The following ZNF487 variants were observed in gnomAD, a reference collection of about 807,000 sequenced individuals.
ZNF487 encodes the protein KRAB domain only 1.
In ZNF487, 4 loss-of-function variants were observed where a neutral mutation model predicts 3.0. That is an observed-to-expected ratio of 1.35 (90% CI 0.66 to 3.08). ZNF487 has a LOEUF of 3.08. Among genes scored for constraint, ZNF487 ranks in the 30% most tolerant of loss-of-function variants. The pLI, the probability that ZNF487 is intolerant of heterozygous loss-of-function variation, is 0.01. For synonymous variants in ZNF487, 55 were observed against 34.6 expected (o/e 1.59, Z -2.06); for missense variants, 146 against 98.7 (o/e 1.48, Z -2.03).
At chr10:43,488,294 G>C in the ZNF487 span, among the ~76,000 whole-genome samples, 4 of 151,994 alleles carry the variant, frequency 2.6e-5, no homozygotes, top group Non-Finnish European at 4.4e-5. Context: ...CAACTTTAGG[G>C]CAACAAGTAA....
chr10:43,495,203 CT>C, the ZNF487 span, among the ~76,000 whole-genome samples: 26,621 of 121,278 alleles, frequency 0.22, 2,560 homozygotes, highest in African/African-American at 0.4. Flanking sequence ...TGTCCCCAGG[CT>C]TTTTTTTTTT....
chr10:43,469,763 A>G (rs992773856), intron 1 of ZNF487, among the ~76,000 whole-genome samples: 2 of 152,064 alleles, frequency 1.3e-5, no homozygotes, highest in African/African-American at 2.4e-5. Flanking sequence ...AGCCCGGCCA[A>G]CATGGTGAAA....
At chr10:43,462,735 T>C (rs895859582) in intron 1 of ZNF487, among the ~76,000 whole-genome samples, 1 of 151,262 alleles carries the variant, frequency 6.6e-6, no homozygotes, top group African/African-American at 2.4e-5. Flanking sequence ...ATTACAGGCA[T>C]GAGCCACTGC....
chr10:43,512,150 T>C, the ZNF487 span, among the ~76,000 whole-genome samples: 2 of 152,220 alleles, frequency 1.3e-5, no homozygotes, highest in Non-Finnish European at 2.9e-5. Flanking sequence ...CACTTTCAGG[T>C]GATGCCTGCA....
intron 2 of ZNF487, 28 bp downstream of exon 2, chr10:43,475,875 A>G (rs1462712237): frequency 2.7e-6 from 2 of 735,984 alleles, no homozygotes; most frequent in Non-Finnish European, 5.0e-6. Flanking sequence ...TGCAGCTTCA[A>G]ATAACATTTA....
chr10:43,459,676 G>A (rs79892787), intron 1 of ZNF487, among the ~76,000 whole-genome samples: 4,248 of 152,016 alleles, frequency 0.028, 94 homozygotes, highest in South Asian at 0.041. Context: ...AGTCTCCCAG[G>A]TAGCTGGAAC....
intron 1 of ZNF487, among the ~76,000 whole-genome samples, chr10:43,447,771 C>G (rs1839865057): frequency 6.6e-6 from 1 of 152,104 alleles, no homozygotes; most frequent in Admixed American, 6.6e-5. Flanking sequence ...GTGCTGTGTT[C>G]TGTGAATTCT....
At chr10:43,481,364 A>G (rs1841350912) in intron 3 of ZNF487, 65 bp from the exon 4 acceptor site, 1 of 650,122 alleles carries the variant, frequency 1.5e-6, no homozygotes, top group East Asian at 2.7e-5. Flanking sequence ...GCATGTGAAT[A>G]TGTCTCTTTT....
intron 3 of ZNF487, among the ~76,000 whole-genome samples, chr10:43,477,330 G>A (rs2132140514): frequency 6.6e-6 from 1 of 151,958 alleles, no homozygotes; most frequent in East Asian, 1.9e-4. Flanking sequence ...TAGTAGTTGG[G>A]ACCATAGGTG....
In ZNF487 at chr10:43,475,708, TGTAC is replaced by T. The variant is rs746984008; in HGVS notation, c.-93-12_-93-9del. 2.6e-6 allele frequency: 2 copies of T among 779,496 alleles called. No individual in the cohort carries two copies. Among genetic ancestry groups the T allele is most frequent in the Non-Finnish European group, 4.8e-6 (2 of 417,500 alleles). The allele number at this position is 779,496 out of a possible 1,614,324, so 48.3% of individuals were successfully genotyped here. A position where few individuals can be genotyped will look rare whatever the true frequency, so the allele number is the denominator to read the frequency against. ...CTGATCACTGTAGAATGAAAACAAA[TGTAC>T]TGTTCTAGGGATCAGTGTCCTTCAG... On this transcript the variant is annotated splice_polypyrimidine_tract_variant and intron_variant, in intron 1 of 3. Coordinates refer to ENST00000437590, the MANE Select transcript of ZNF487 (RefSeq NM_001355444.3).
the ZNF487 span, among the ~76,000 whole-genome samples, chr10:43,521,901 G>T: frequency 8.4e-6 from 1 of 119,148 alleles, no homozygotes; most frequent in Non-Finnish European, 1.7e-5. Flanking sequence ...GAAAAGTAAA[G>T]GATGACTTTA....
intron 1 of ZNF487, among the ~76,000 whole-genome samples, chr10:43,450,085 C>G (rs983325342): frequency 6.6e-6 from 1 of 152,082 alleles, no homozygotes; most frequent in African/African-American, 2.4e-5. Context: ...CTCTTTTTGC[C>G]CGGGCTGGAG....
At chr10:43,511,125 T>C in the ZNF487 span, among the ~76,000 whole-genome samples, 7 of 152,184 alleles carry the variant, frequency 4.6e-5, no homozygotes, top group African/African-American at 1.7e-4. Flanking sequence ...AACAGTACCA[T>C]ATATTGGATG....
At chr10:43,477,308 C>T (rs545873893) in intron 3 of ZNF487, among the ~76,000 whole-genome samples, 1 of 151,628 alleles carries the variant, frequency 6.6e-6, no homozygotes, top group Admixed American at 6.6e-5. Context: ...GATTCTCATA[C>T]CTCAGCCTCC....
the ZNF487 span, among the ~76,000 whole-genome samples, chr10:43,499,541 C>T: frequency 6.6e-6 from 1 of 151,894 alleles, no homozygotes; most frequent in Non-Finnish European, 1.5e-5. Flanking sequence ...CTCAGCCTCC[C>T]AGAAATTCGA....
At chr10:43,443,676 T>C (rs1839700252) in intron 1 of ZNF487, among the ~76,000 whole-genome samples, 1 of 147,798 alleles carries the variant, frequency 6.8e-6, no homozygotes, top group Non-Finnish European at 1.5e-5. Context: ...GCCCGGCCCG[T>C]TTTTTTTGTT....
At chr10:43,488,732 G>A in the ZNF487 span, among the ~76,000 whole-genome samples, 2 of 152,126 alleles carry the variant, frequency 1.3e-5, no homozygotes, top group African/African-American at 4.8e-5. Flanking sequence ...TTCCAACACT[G>A]TAGCAGCACA....
the ZNF487 span, among the ~76,000 whole-genome samples, chr10:43,500,768 CA>C: frequency 2.0e-5 from 3 of 151,996 alleles, no homozygotes; most frequent in Admixed American, 1.3e-4. Context: ...CTTGGACTCC[CA>C]AAGTGTTGGA....
chr10:43,445,604 CT>C (rs375915845), intron 1 of ZNF487, among the ~76,000 whole-genome samples: 3 of 149,930 alleles, frequency 2.0e-5, no homozygotes, highest in African/African-American at 7.4e-5. Flanking sequence ...TTCCTGAGTA[CT>C]TTACCCAATG....
Sources: gnomAD v4.1 joint callset for allele counts (sites outside exome capture counted in the v4.1 genomes callset) on GRCh38, gnomAD v4.1.1 for gene constraint, MANE v1.5 for transcripts, NCBI Gene and HGNC (gene_info 2026-07-23, HGNC 2026-07-21) for gene names.